The following TGFA variants were observed in gnomAD, a reference collection of about 807,000 sequenced individuals.
TGFA encodes the protein protransforming growth factor alpha.
TGFA carries 12 observed loss-of-function variants against 21.7 expected under a neutral mutation model. That is an observed-to-expected ratio of 0.55 (90% CI 0.35 to 0.90). The LOEUF is 0.90. Ranked by LOEUF, TGFA falls within the 40% of genes least tolerant of loss-of-function variation. The pLI, the probability that TGFA is intolerant of heterozygous loss-of-function variation, is 0.01. For missense variants in TGFA, 178 were observed against 210.8 expected (o/e 0.84, Z 0.96); for synonymous variants, 79 against 88.1 (o/e 0.90, Z 0.58).
chr2:70,487,864 G>A (rs1238458024), intron 2 of TGFA, among the ~76,000 whole-genome samples: 2 of 152,158 alleles, frequency 1.3e-5, no homozygotes, highest in Non-Finnish European at 2.9e-5. Context: ...GTGTGGCAAA[G>A]GAATGCTCCT....
At chr2:70,457,597 A>C (rs1553490802) in intron 3 of TGFA, among the ~76,000 whole-genome samples, 4 of 148,948 alleles carry the variant, frequency 2.7e-5, no homozygotes, top group Non-Finnish European at 5.9e-5. Context: ...CCTGGAGTGC[A>C]GTGGCGGGAT....
intron 3 of TGFA, among the ~76,000 whole-genome samples, chr2:70,463,427 A>G (rs1670461118): frequency 1.3e-5 from 2 of 152,092 alleles, no homozygotes; most frequent in Admixed American, 6.6e-5. Context: ...ACTGAGGGGA[A>G]TGGGAGAGCA....
chr2:70,501,566 A>AC (rs1182181429), intron 2 of TGFA, among the ~76,000 whole-genome samples: 1 of 151,966 alleles, frequency 6.6e-6, no homozygotes, highest in East Asian at 1.9e-4. Flanking sequence ...GTATAATAAT[A>AC]CCCTGTTACT....
chr2:70,460,845 G>T (rs1670385430), intron 3 of TGFA, among the ~76,000 whole-genome samples: 1 of 152,150 alleles, frequency 6.6e-6, no homozygotes. Flanking sequence ...GTTCTCCAGT[G>T]CTGTCTAATA....
chr2:70,516,124 A>C (rs1672268914), intron 1 of TGFA, among the ~76,000 whole-genome samples: 1 of 152,206 alleles, frequency 6.6e-6, no homozygotes, highest in South Asian at 2.1e-4. Context: ...GAGTTATGCA[A>C]TCAGCATGAG....
chr2:70,529,498 A>T (rs1672746363), intron 1 of TGFA, among the ~76,000 whole-genome samples: 1 of 152,156 alleles, frequency 6.6e-6, no homozygotes, highest in African/African-American at 2.4e-5. Context: ...TTCTGAATAG[A>T]TGACATCTGA....
intron 2 of TGFA, among the ~76,000 whole-genome samples, chr2:70,478,930 AT>A (rs1671022304): frequency 6.6e-6 from 1 of 152,164 alleles, no homozygotes; most frequent in Non-Finnish European, 1.5e-5. Flanking sequence ...TCAATTATCA[AT>A]GTTAAAAATG....
At chr2:70,487,628 T>C (rs1671305866) in intron 2 of TGFA, among the ~76,000 whole-genome samples, 1 of 152,200 alleles carries the variant, frequency 6.6e-6, no homozygotes, top group Non-Finnish European at 1.5e-5. Flanking sequence ...TTGTGGAGGA[T>C]TTTAGATTTC....
In TGFA at chr2:70,536,499, T is replaced by C. The variant is rs1270939599; in HGVS notation, c.40+17229A>G. Among the ~76,000 whole-genome samples the C allele has an allele frequency of 3.3e-5, 5 of 152,156 alleles. No homozygotes were observed. The South Asian group carries it at 8.3e-4, about 25-fold the overall frequency. On this transcript the variant is annotated intron_variant, in intron 1 of 5. Coordinates refer to ENST00000295400, the MANE Select transcript of TGFA (RefSeq NM_003236.4). Reference sequence around the variant, plus strand: ...AAAGAAATAGAAATCATACAATGCATGCTCTCAGACCACGATGGAAATAAA... The same window carrying C: ...AAAGAAATAGAAATCATACAATGCACGCTCTCAGACCACGATGGAAATAAA...
intron 2 of TGFA, among the ~76,000 whole-genome samples, chr2:70,496,696 A>G (rs544421454): frequency 5.9e-5 from 9 of 152,328 alleles, no homozygotes. Flanking sequence ...TATGGTGCAT[A>G]GTGTTCCTTC....
chr2:70,510,436 A>G (rs1672058526), intron 2 of TGFA, among the ~76,000 whole-genome samples: 1 of 152,092 alleles, frequency 6.6e-6, no homozygotes, highest in South Asian at 2.1e-4. Flanking sequence ...ATCTCTACCA[A>G]TCCATCAGTG....
At position 70,474,602 on chromosome 2, in the gene TGFA, C is replaced by T. The variant is rs575273475; in HGVS notation, c.95-8866G>A. 3.3e-5 allele frequency among the ~76,000 whole-genome samples: 5 copies of T among 152,284 alleles called. No individual in the cohort carries two copies. In the South Asian group the frequency reaches 1.0e-3, roughly 32 times the overall value. On this transcript the variant is annotated intron_variant, in intron 2 of 5. Coordinates refer to ENST00000295400, the MANE Select transcript of TGFA (RefSeq NM_003236.4). Reference sequence around the variant, plus strand: ...AATACAGATGCAAAAGAGATTTCTACATGTCCAGGGATGATGGTTAATTGA... The same window carrying T: ...AATACAGATGCAAAAGAGATTTCTATATGTCCAGGGATGATGGTTAATTGA...
chr2:70,456,020 G>A (rs1670217003), intron 4 of TGFA, among the ~76,000 whole-genome samples: 2 of 152,352 alleles, frequency 1.3e-5, no homozygotes, highest in South Asian at 4.1e-4. Flanking sequence ...AGTCCTCTCT[G>A]GAGCACCTGC....
intron 2 of TGFA, among the ~76,000 whole-genome samples, chr2:70,473,558 G>A (rs1670822262): frequency 6.6e-6 from 1 of 151,776 alleles, no homozygotes; most frequent in Non-Finnish European, 1.5e-5. Flanking sequence ...AGAACAAGAG[G>A]GTTTTCAAAT....
At chr2:70,452,011 T>C (rs1670074757) in intron 5 of TGFA, among the ~76,000 whole-genome samples, 1 of 152,196 alleles carries the variant, frequency 6.6e-6, no homozygotes. Flanking sequence ...ACTATGGTTA[T>C]TGAAATAAAG....
chr2:70,523,251 C>A (rs2103880737), intron 1 of TGFA, among the ~76,000 whole-genome samples: 1 of 152,266 alleles, frequency 6.6e-6, no homozygotes, highest in African/African-American at 2.4e-5. Flanking sequence ...GACTTCCATC[C>A]AGTGACCCCA....
intron 2 of TGFA, among the ~76,000 whole-genome samples, chr2:70,512,476 G>C (rs1672133079): frequency 6.6e-6 from 1 of 152,198 alleles, no homozygotes; most frequent in Non-Finnish European, 1.5e-5. Flanking sequence ...GAGTGGCACT[G>C]AGCTGGTTAC....
At position 70,500,619 on chromosome 2, in the gene TGFA, T is replaced by G. The variant is rs529541341; in HGVS notation, c.94+14240A>C. ...AGGTTGATCATTTTGACTTGAAACG[T>G]GACCAGTAGGGAGGAAGAACTGCTC... On this transcript the variant is annotated intron_variant, in intron 2 of 5. Coordinates refer to ENST00000295400, the MANE Select transcript of TGFA (RefSeq NM_003236.4). Among the ~76,000 whole-genome samples the G allele has an allele frequency of 3.3e-5, 5 of 152,330 alleles. No individual in the cohort carries two copies. The East Asian group carries it at 9.6e-4, about 29-fold the overall frequency.
intron 1 of TGFA, among the ~76,000 whole-genome samples, chr2:70,540,172 A>G (rs1413430024): frequency 3.9e-5 from 6 of 152,194 alleles, no homozygotes; most frequent in Non-Finnish European, 8.8e-5. Flanking sequence ...CTTCCCTTCA[A>G]CATCACCTAG....
Sources: allele counts gnomAD v4.1 joint callset (sites outside exome capture counted in the v4.1 genomes callset), GRCh38; gene constraint gnomAD v4.1.1; transcripts MANE v1.5; gene names NCBI Gene and HGNC (gene_info 2026-07-23, HGNC 2026-07-21).